The following WDR70 variants were observed in gnomAD, a reference collection of about 807,000 sequenced individuals.
WDR70 encodes the protein WD repeat domain 70, also known as WD repeat-containing protein 70.
Under a neutral mutation model 88.6 loss-of-function variants are expected in WDR70, and 53 were observed. That is an observed-to-expected ratio of 0.60 (90% confidence interval 0.48 to 0.75). The LOEUF (loss-of-function observed/expected upper bound fraction) is 0.75. Among genes scored for constraint, WDR70 ranks in the 30% least tolerant of loss-of-function variants. The probability of loss-of-function intolerance (pLI) is 0.00; values close to 1 mark genes in which losing one functional copy is unlikely to be tolerated. For synonymous variants in WDR70, 280 were observed against 270.0 expected (o/e 1.04, Z -0.36); for missense variants, 610 against 823.2 (o/e 0.74, Z 3.17).
intron 10 of WDR70, among the ~76,000 whole-genome samples, chr5:37,671,424 G>A (rs1290264291): frequency 6.6e-6 from 1 of 152,116 alleles, no homozygotes; most frequent in Admixed American, 6.5e-5. Flanking sequence ...AAGGGCAGGG[G>A]TGGGAGGTTG....
intron 9 of WDR70, among the ~76,000 whole-genome samples, chr5:37,549,217 T>G (rs748131052): frequency 2.7e-4 from 41 of 152,236 alleles, no homozygotes; most frequent in Admixed American, 2.6e-3. Flanking sequence ...ATCTGTAGAT[T>G]GCTCTGGGTA....
intron 8 of WDR70, among the ~76,000 whole-genome samples, chr5:37,499,115 A>C (rs10805626): frequency 0.6 from 90,342 of 150,548 alleles, 28,339 homozygotes; most frequent in Non-Finnish European, 0.69. Context: ...CATGTTTGTC[A>C]TTCTTTTTTT....
chr5:37,562,337 CAG>C lies in WDR70; in HGVS notation c.918-42724_918-42723del, dbSNP rs747301342. Among the ~76,000 whole-genome samples, 64 of 151,258 alleles carry C rather than the reference CAG, an allele frequency of 4.2e-4. 1 individual carries two copies. The East Asian group carries it at 0.012, about 29-fold the overall frequency. On this transcript the variant is annotated intron_variant, in intron 9 of 17. Coordinates refer to ENST00000265107, the MANE Select transcript of WDR70 (RefSeq NM_018034.4). ...CACCATTGTGCTCCAGCCTGGCTGA[CAG>C]AGTGAGACTGTGTGTCTCAAAAGAA...
intron 5 of WDR70, among the ~76,000 whole-genome samples, chr5:37,428,611 A>G (rs374292137): frequency 4.6e-5 from 7 of 152,288 alleles, no homozygotes; most frequent in African/African-American, 1.7e-4. Context: ...TGCTTTGTTC[A>G]TTTTTATTGC....
chr5:37,649,733 C>CTTTTTTTTTTTTTTTTT (rs70978834), intron 10 of WDR70, among the ~76,000 whole-genome samples: 3 of 68,738 alleles, frequency 4.4e-5, no homozygotes, highest in African/African-American at 1.9e-4. Context: ...GTTATTACTT[C>CTTTTTTTTTTTTTTTTT]TTTTTTTTTT....
intron 9 of WDR70, among the ~76,000 whole-genome samples, chr5:37,525,936 G>A (rs374343255): frequency 6.6e-6 from 1 of 152,184 alleles, no homozygotes; most frequent in Admixed American, 6.5e-5. Flanking sequence ...AAACCAGGAA[G>A]AATTTGAATC....
intron 10 of WDR70, among the ~76,000 whole-genome samples, chr5:37,651,421 A>G (rs988230441): frequency 1.3e-5 from 2 of 152,194 alleles, no homozygotes; most frequent in Non-Finnish European, 1.5e-5. Flanking sequence ...GCTGCAATAA[A>G]CGTACATGTG....
At chr5:37,597,805 T>C (rs891047519) in intron 9 of WDR70, among the ~76,000 whole-genome samples, 5 of 152,236 alleles carry the variant, frequency 3.3e-5, no homozygotes, top group Non-Finnish European at 7.3e-5. Flanking sequence ...ACCTATTTTC[T>C]TTACAAATTA....
intron 10 of WDR70, among the ~76,000 whole-genome samples, chr5:37,621,704 T>A (rs1364680743): frequency 6.6e-6 from 1 of 152,210 alleles, no homozygotes; most frequent in Non-Finnish European, 1.5e-5. Flanking sequence ...TGGTGTTTCT[T>A]TTGCTGTGCA....
At chr5:37,677,748 G>A (rs142463526) in intron 10 of WDR70, among the ~76,000 whole-genome samples, 4,806 of 152,228 alleles carry the variant, frequency 0.032, 101 homozygotes, top group Middle Eastern at 0.11. Flanking sequence ...ATGTCTATTA[G>A]GTCTGCTTGG....
intron 10 of WDR70, among the ~76,000 whole-genome samples, chr5:37,622,415 T>A (rs1744532854): frequency 2.0e-5 from 3 of 151,828 alleles, no homozygotes; most frequent in South Asian, 4.2e-4. Context: ...GGATTATAAA[T>A]CATGCTGCTA....
intron 9 of WDR70, among the ~76,000 whole-genome samples, chr5:37,586,346 T>C (rs960931969): frequency 2.6e-5 from 4 of 152,248 alleles, no homozygotes; most frequent in Non-Finnish European, 4.4e-5. Flanking sequence ...TATTAAATCC[T>C]GTGAAGGCCT....
At chr5:37,741,732 G>GT (rs142797380) in intron 17 of WDR70, among the ~76,000 whole-genome samples, 3,669 of 152,280 alleles carry the variant, frequency 0.024, 69 homozygotes, top group Non-Finnish European at 0.038. Flanking sequence ...CAGTCTGGGG[G>GT]TTGGGGACCG....
chr5:37,579,445 G>C (rs950591017), intron 9 of WDR70, among the ~76,000 whole-genome samples: 2 of 151,798 alleles, frequency 1.3e-5, no homozygotes, highest in African/African-American at 4.8e-5. Context: ...TTAGCTGGGC[G>C]TGGTGGTGGG....
At chr5:37,380,968 C>G (rs1340151626) in intron 2 of WDR70, among the ~76,000 whole-genome samples, 1 of 152,110 alleles carries the variant, frequency 6.6e-6, no homozygotes, top group Non-Finnish European at 1.5e-5. Context: ...GTACATCATT[C>G]CTTTACTCAG....
chr5:37,624,047 T>C (rs970659782), intron 10 of WDR70, among the ~76,000 whole-genome samples: 2 of 152,176 alleles, frequency 1.3e-5, no homozygotes, highest in Non-Finnish European at 2.9e-5. Context: ...TTTCTTTGTG[T>C]TGGGAATTTT....
chr5:37,450,233 A>G (rs1195057346), intron 7 of WDR70, among the ~76,000 whole-genome samples: 1 of 152,148 alleles, frequency 6.6e-6, no homozygotes, highest in Non-Finnish European at 1.5e-5. Flanking sequence ...TTTATAGTAG[A>G]ATGATTTATA....
intron 7 of WDR70, among the ~76,000 whole-genome samples, chr5:37,479,053 G>C (rs1188116596): frequency 6.6e-6 from 1 of 152,184 alleles, no homozygotes; most frequent in South Asian, 2.1e-4. Flanking sequence ...AGAAGTTCCT[G>C]AGGAGACTGG....
intron 17 of WDR70, among the ~76,000 whole-genome samples, chr5:37,728,660 C>T (rs1033626699): frequency 1.3e-5 from 2 of 152,116 alleles, no homozygotes; most frequent in African/African-American, 4.8e-5. Context: ...TGTCTTATTA[C>T]TGGTGATGCT....
Sources: gnomAD v4.1 joint callset for allele counts (sites outside exome capture counted in the v4.1 genomes callset) on GRCh38, gnomAD v4.1.1 for gene constraint, MANE v1.5 for transcripts, NCBI Gene and HGNC (gene_info 2026-07-23, HGNC 2026-07-21) for gene names.